CD86: variants seen among roughly 807,000 people sequenced by gnomAD.
CD86 encodes CD86 molecule.
In CD86, 11 loss-of-function variants were observed where a neutral mutation model predicts 32.1. The observed-to-expected ratio is 0.34, with a 90% CI of 0.22 to 0.57. CD86 has a LOEUF of 0.57. CD86 is among the 20% of genes least tolerant of loss of function. The pLI is 0.86. For missense variants in CD86, 359 were observed against 398.4 expected (o/e 0.90, Z 0.84); for synonymous variants, 137 against 135.3 (o/e 1.01, Z -0.09).
In CD86 at chr3:122,114,260, T is replaced by TATAAATAA. The variant is rs56864968; in HGVS notation, c.848-3768_848-3761dup. Among the ~76,000 whole-genome samples the TATAAATAA allele has an allele frequency of 5.7e-4, 87 of 151,482 alleles. 1 individual carries two copies. Among genetic ancestry groups the TATAAATAA allele is most frequent in the African/African-American group, 1.9e-3 (80 of 41,170 alleles). On this transcript the variant is annotated intron_variant, in intron 5 of 6. Transcript: ENST00000330540. ...AAGATCAAGATTCCGTCTTAAAAAA[T>TATAAATAA]ATAAATAAATAAATAAATAAATAAA...
intron 5 of CD86, among the ~76,000 whole-genome samples, chr3:122,109,816 G>A (rs544641846): frequency 9.2e-5 from 14 of 152,166 alleles, no homozygotes; most frequent in East Asian, 3.9e-4. Context: ...TCAGCTTCTC[G>A]TCTCTAAAAA....
chr3:122,087,228 C>T (rs1236480302), intron 1 of CD86, among the ~76,000 whole-genome samples: 2 of 152,160 alleles, frequency 1.3e-5, no homozygotes, highest in Non-Finnish European at 2.9e-5. Flanking sequence ...GACTAGTTCA[C>T]CCACCTTATT....
intron 1 of CD86, among the ~76,000 whole-genome samples, chr3:122,084,200 T>G (rs947771212): frequency 5.6e-4 from 85 of 152,362 alleles, no homozygotes; most frequent in African/African-American, 1.9e-3. Flanking sequence ...ATGGCCAGGC[T>G]GGTCTCAAAC....
At chr3:122,071,757 G>A (rs2072491847) in intron 1 of CD86, among the ~76,000 whole-genome samples, 1 of 151,666 alleles carries the variant, frequency 6.6e-6, no homozygotes, top group Admixed American at 6.6e-5. Flanking sequence ...TTAAGTTTTA[G>A]GGTATGTGTG....
chr3:122,073,637 G>C (rs577603287), intron 1 of CD86, among the ~76,000 whole-genome samples: 2 of 152,188 alleles, frequency 1.3e-5, no homozygotes, highest in East Asian at 3.9e-4. Context: ...AATTAAAGGG[G>C]AGTGTCAAGT....
intron 1 of CD86, among the ~76,000 whole-genome samples, chr3:122,063,137 A>G (rs1042726545): frequency 6.6e-6 from 1 of 152,340 alleles, no homozygotes; most frequent in East Asian, 1.9e-4. Context: ...GAAGTTGTCT[A>G]TGAAAACTTT....
intron 5 of CD86, among the ~76,000 whole-genome samples, chr3:122,114,648 G>C (rs2073223544): frequency 6.6e-6 from 1 of 152,152 alleles, no homozygotes; most frequent in African/African-American, 2.4e-5. Flanking sequence ...TATGTTAAAA[G>C]TATAATACAT....
At chr3:122,082,878 C>T (rs1017059371) in intron 1 of CD86, among the ~76,000 whole-genome samples, 2 of 152,170 alleles carry the variant, frequency 1.3e-5, no homozygotes, top group Admixed American at 6.5e-5. Flanking sequence ...TTACTAAATA[C>T]ATAAAAGTGA....
rs377056651 is a variant in CD86 at position 122,070,872 on chromosome 3, C to G, written c.14+15369C>G. ...GATGCTAATTTTCTTTCCCACTAGTCTAGCAGCCCTCTAAAATGTCACATT... is the reference window on the plus strand; with the variant it reads ...GATGCTAATTTTCTTTCCCACTAGTGTAGCAGCCCTCTAAAATGTCACATT... On this transcript the variant is annotated intron_variant, in intron 1 of 6. Coordinates refer to ENST00000330540, the MANE Select transcript of CD86 (RefSeq NM_175862.5). 3.3e-5 allele frequency among the ~76,000 whole-genome samples: 5 copies of G among 152,272 alleles called. No individual in the cohort carries two copies. In the East Asian group the frequency reaches 9.6e-4, roughly 29 times the overall value.
intron 1 of CD86, among the ~76,000 whole-genome samples, chr3:122,078,771 A>G (rs1326764366): frequency 1.3e-5 from 2 of 152,230 alleles, no homozygotes; most frequent in Non-Finnish European, 2.9e-5. Context: ...GAGCCAGGTG[A>G]AAATAGTTTT....
chr3:122,084,175 C>T lies in CD86; in HGVS notation c.15-7426C>T, dbSNP rs577233367. Among the ~76,000 whole-genome samples the T allele has an allele frequency of 6.6e-5, 10 of 152,220 alleles. No homozygotes were observed. The South Asian group carries it at 8.3e-4, about 13-fold the overall frequency. ...CTAATTTTTGTATTTTTAGTAGAGA[C>T]GGGGTTTCCCCATAATGGCCAGGCT... On this transcript the variant is annotated intron_variant, in intron 1 of 6. Coordinates refer to ENST00000330540, the MANE Select transcript of CD86 (RefSeq NM_175862.5).
intron 1 of CD86, among the ~76,000 whole-genome samples, chr3:122,082,740 T>G (rs182773486): frequency 6.6e-6 from 1 of 152,264 alleles, no homozygotes; most frequent in East Asian, 1.9e-4. Flanking sequence ...AGATTCATCA[T>G]GTTAGTATTA....
At chr3:122,118,852 C>T (rs756277705) in intron 6 of CD86, among the ~76,000 whole-genome samples, 13 of 152,140 alleles carry the variant, frequency 8.5e-5, no homozygotes, top group Non-Finnish European at 1.9e-4. Context: ...CATAAAAGTT[C>T]GTGGTGATCA....
intron 1 of CD86, among the ~76,000 whole-genome samples, chr3:122,082,419 T>A (rs375356547): frequency 8.5e-5 from 13 of 152,360 alleles, no homozygotes; most frequent in African/African-American, 3.1e-4. Context: ...TTGTTCTTCA[T>A]TTGACATAAT....
intron 2 of CD86, among the ~76,000 whole-genome samples, chr3:122,093,978 T>G (rs943148577): frequency 6.6e-6 from 1 of 152,198 alleles, no homozygotes; most frequent in Non-Finnish European, 1.5e-5. Flanking sequence ...GTGGTAAGAC[T>G]TCTTCCATGG....
chr3:122,112,185 C>T (rs1286775817), intron 5 of CD86, among the ~76,000 whole-genome samples: 1 of 152,210 alleles, frequency 6.6e-6, no homozygotes, highest in East Asian at 1.9e-4. Flanking sequence ...AATCTGTATA[C>T]AATGCCCTAG....
At chr3:122,083,855 A>C (rs1446546024) in intron 1 of CD86, among the ~76,000 whole-genome samples, 2 of 152,222 alleles carry the variant, frequency 1.3e-5, no homozygotes, top group Non-Finnish European at 2.9e-5. Context: ...ACATGTTGAG[A>C]TTATAATATT....
intron 1 of CD86, among the ~76,000 whole-genome samples, chr3:122,070,799 G>T (rs2072478243): frequency 6.6e-6 from 1 of 152,164 alleles, no homozygotes; most frequent in South Asian, 2.1e-4. Context: ...GTATAGCATT[G>T]ATTCCAAGGG....
At chr3:122,099,042 GTTA>G in intron 2 of CD86, among the ~76,000 whole-genome samples, 1 of 152,334 alleles carries the variant, frequency 6.6e-6, no homozygotes, top group Middle Eastern at 3.4e-3. Flanking sequence ...GCACCTGGGA[GTTA>G]TTAGCTTTTA....
Sources: gnomAD v4.1 joint callset for allele counts (sites outside exome capture counted in the v4.1 genomes callset) on GRCh38, gnomAD v4.1.1 for gene constraint, MANE v1.5 for transcripts, NCBI Gene and HGNC (gene_info 2026-07-23, HGNC 2026-07-21) for gene names.